Variants in ITIH2 observed in about 807,000 individuals in gnomAD.
ITIH2 encodes inter-alpha-trypsin inhibitor heavy chain H2.
ITIH2 carries 103 observed loss-of-function variants against 104.4 expected under a neutral mutation model. That is an observed-to-expected ratio of 0.99 (90% confidence interval 0.84 to 1.16). The LOEUF is 1.16. Ranked by LOEUF, ITIH2 falls within the 50% of genes most tolerant of loss-of-function variation. The pLI is 0.00. For synonymous variants in ITIH2, 436 were observed against 435.4 expected (o/e 1.00, Z -0.02); for missense variants, 1,108 against 1,162.4 (o/e 0.95, Z 0.68).
Position 7,730,103 on chromosome 10 carries a change from T to C in ITIH2, c.1431T>C (p.Tyr477=), listed in dbSNP as rs1161802485. Reference sequence around the variant, plus strand: ...ACCATGGAATTGCACAAAGGATTTATGGAAACCAGGACACGTCTTCCCAGC... The same window carrying C: ...ACCATGGAATTGCACAAAGGATTTACGGAAACCAGGACACGTCTTCCCAGC... ...NENHGIAQRI[Y]GNQDTSSQLK... The change falls in exon 12 of 21, where the codon TAT becomes TAC. Residue 477 remains tyrosine (Y), a synonymous_variant. Coordinates refer to ENST00000358415, the MANE Select transcript of ITIH2 (RefSeq NM_002216.3). 1.9e-6 allele frequency: 3 copies of C among 1,608,004 alleles called. No homozygotes were observed. The highest frequency in any genetic ancestry group is 1.7e-6 in the Non-Finnish European group (2 of 1,178,256).
chr10:7,735,217 G>C, intron 15 of ITIH2, 126 bp downstream of exon 15: 2 of 763,790 alleles, frequency 2.6e-6, no homozygotes, highest in East Asian at 5.5e-5. Flanking sequence ...GGGCCCTCCT[G>C]TGCCCAAGCT....
intron 5 of ITIH2, among the ~76,000 whole-genome samples, chr10:7,714,948 A>G (rs1305273923): frequency 2.0e-5 from 3 of 152,186 alleles, no homozygotes; most frequent in Non-Finnish European, 4.4e-5. Context: ...ACTGTTTTAT[A>G]ACAGTGACTT....
intron 7 of ITIH2, among the ~76,000 whole-genome samples, chr10:7,721,184 C>T (rs551914500): frequency 6.6e-6 from 1 of 152,272 alleles, no homozygotes; most frequent in South Asian, 2.1e-4. Context: ...CTTTTTGAGT[C>T]TCATTTCCCC....
intron 6 of ITIH2, among the ~76,000 whole-genome samples, chr10:7,718,718 T>C (rs1187801971): frequency 1.3e-5 from 2 of 152,146 alleles, no homozygotes; most frequent in Non-Finnish European, 2.9e-5. Context: ...CAACTGTTCC[T>C]TTCTTTGTGT....
chr10:7,745,079 G>A (rs1835164099), intron 19 of ITIH2, 116 bp downstream of exon 19: 1 of 869,280 alleles, frequency 1.2e-6, no homozygotes, highest in South Asian at 1.6e-5. Context: ...GAGCACAGAG[G>A]ACTAACATAG....
chr10:7,749,164 C>T (rs777973537), intron 20 of ITIH2, 23 bp from the exon 21 acceptor site: 3 of 1,613,280 alleles, frequency 1.9e-6, no homozygotes, highest in South Asian at 2.2e-5. Context: ...CTCCCCCTAA[C>T]CACATGCCTT....
chr10:7,732,546 T>C, intron 14 of ITIH2, 69 bp downstream of exon 14: 1 of 1,535,748 alleles, frequency 6.5e-7, no homozygotes, highest in Non-Finnish European at 8.9e-7. Context: ...ATATATGAAG[T>C]CATACACAAA....
At chr10:7,714,219 T>C (rs1018286841) in intron 5 of ITIH2, among the ~76,000 whole-genome samples, 14 of 140,650 alleles carry the variant, frequency 1.0e-4, no homozygotes, top group Admixed American at 3.0e-4. Flanking sequence ...TCGCCCAGGC[T>C]GGAGTGCAGT....
intron 3 of ITIH2, 47 bp downstream of exon 3, chr10:7,707,280 T>A (rs1834756461): frequency 7.1e-7 from 1 of 1,417,072 alleles, no homozygotes; most frequent in African/African-American, 1.4e-5. Context: ...TTCCTGTTAA[T>A]AATTACCAGG....
At chr10:7,739,729 C>G (rs1227273543) in intron 16 of ITIH2, among the ~76,000 whole-genome samples, 2 of 152,028 alleles carry the variant, frequency 1.3e-5, no homozygotes, top group Admixed American at 6.6e-5. Context: ...ACAAAAAAAC[C>G]CTTTTCAAAA....
rs114040000 is a variant in ITIH2 at position 7,746,622 on chromosome 10, A to G, written c.2611A>G (p.Ile871Val). 1,629 of 1,613,676 alleles carry G rather than the reference A, an allele frequency of 1.0e-3. 11 individuals carry two copies. The African/African-American group carries it at 0.019, about 18-fold the overall frequency. ...GTTCATGCAGGAACCAAAGATACAC[A>G]TCTTCAATGAGAGACCAGGAAAGGA... is the stretch of plus-strand genomic sequence containing the variant. ...GQFMQEPKIH[I>V]FNERPGKDPE... Residue 871 changes from isoleucine (I) to valine (V), a missense_variant, in exon 20 of 21, where the codon ATC becomes GTC. Coordinates refer to ENST00000358415, the MANE Select transcript of ITIH2 (RefSeq NM_002216.3).
intron 15 of ITIH2, 72 bp downstream of exon 15, chr10:7,735,163 C>A (rs1177810186): frequency 1.5e-6 from 2 of 1,378,002 alleles, no homozygotes. Flanking sequence ...AGTCCTAGTG[C>A]CTCCGCTCTC....
At position 7,731,901 on chromosome 10, in the gene ITIH2, T is replaced by G; in HGVS notation, c.1552T>G (p.Phe518Val). The G allele has an allele frequency of 3.7e-6, 6 of 1,613,956 alleles. No homozygotes were observed. The highest frequency in any genetic ancestry group is 4.2e-6 in the Non-Finnish European group (5 of 1,179,858). ...TSVTDVTQNN[F>V]HNYFGGSEIV... ...AGTCACGGACGTCACTCAAAACAAT[T>G]TCCATAACTACTTTGGAGGCTCAGA... is the stretch of plus-strand genomic sequence containing the variant. Residue 518 changes from phenylalanine to valine, a missense_variant, in exon 13 of 21, where the codon TTC becomes GTC. Transcript: ENST00000358415.
intron 7 of ITIH2, among the ~76,000 whole-genome samples, chr10:7,721,422 G>A (rs1042859167): frequency 6.6e-6 from 1 of 152,158 alleles, no homozygotes; most frequent in Non-Finnish European, 1.5e-5. Flanking sequence ...GAAATTCTTC[G>A]GCTTTCTTCT....
At chr10:7,739,209 TC>T (rs1284428395) in intron 16 of ITIH2, among the ~76,000 whole-genome samples, 1 of 152,174 alleles carries the variant, frequency 6.6e-6, no homozygotes, top group African/African-American at 2.4e-5. Flanking sequence ...GGAGAGCGTC[TC>T]CTCTCCTGTT....
intron 16 of ITIH2, among the ~76,000 whole-genome samples, chr10:7,741,387 C>T (rs1835122944): frequency 6.6e-6 from 1 of 151,930 alleles, no homozygotes; most frequent in African/African-American, 2.4e-5. Context: ...ACTATGCTGG[C>T]CAGGCTGGTC....
Position 7,746,671 on chromosome 10 carries a change from T to G in ITIH2, c.2660T>G (p.Met887Arg), listed in dbSNP as rs773372895. The change falls in exon 20 of 21, where the codon ATG becomes AGG. Residue 887 changes from methionine to arginine, a missense_variant. Transcript: ENST00000358415. ...GKDPEKPEASMEVKGQKLIIT... is the reference protein window; with the variant it reads ...GKDPEKPEASREVKGQKLIIT... ...GACCCTGAGAAGCCAGAGGCCAGCA[T>G]GGAAGTGAAGGGGCAGAAGCTGATC... 1.2e-6 allele frequency: 2 copies of G among 1,613,702 alleles called. No individual in the cohort carries two copies. The highest frequency in any genetic ancestry group is 1.1e-5 in the South Asian group (1 of 91,048).
chr10:7,741,635 C>G (rs1000098543), intron 16 of ITIH2, among the ~76,000 whole-genome samples: 1 of 152,178 alleles, frequency 6.6e-6, no homozygotes, highest in African/African-American at 2.4e-5. Flanking sequence ...TGTAACTCCT[C>G]TGCAAACTTT....
Position 7,732,764 on chromosome 10 carries a change from G to C in ITIH2, c.1787+287G>C, listed in dbSNP as rs548559894. On this transcript the variant is annotated intron_variant, in intron 14 of 20. Coordinates refer to ENST00000358415, the MANE Select transcript of ITIH2 (RefSeq NM_002216.3). ...TTTTTTTGAGGCAGAGTCTCGCTCTGTCTCCCAGGCTGGAGTGCAGTGACG... is the reference window on the plus strand; with the variant it reads ...TTTTTTTGAGGCAGAGTCTCGCTCTCTCTCCCAGGCTGGAGTGCAGTGACG... Among the ~76,000 whole-genome samples the C allele has an allele frequency of 3.3e-5, 5 of 151,830 alleles. No individual in the cohort carries two copies. In the South Asian group the frequency reaches 1.0e-3, roughly 32 times the overall value.
Sources: allele counts gnomAD v4.1 joint callset (sites outside exome capture counted in the v4.1 genomes callset), GRCh38; gene constraint gnomAD v4.1.1; transcripts MANE v1.5; gene names NCBI Gene and HGNC (gene_info 2026-07-23, HGNC 2026-07-21).